CATSPERE: variants seen among roughly 807,000 people sequenced by gnomAD.
CATSPERE encodes cation channel sperm-associated auxiliary subunit epsilon.
CATSPERE carries 93 observed loss-of-function variants against 114.1 expected under a neutral mutation model. The ratio of observed to expected loss-of-function variants is 0.81; its 90% CI spans 0.69 to 0.97. The LOEUF is 0.97. CATSPERE is among the 50% of genes least tolerant of loss of function. The pLI is 0.00. For synonymous variants in CATSPERE, 341 were observed against 384.1 expected (o/e 0.89, Z 1.31); for missense variants, 1,058 against 1,131.6 (o/e 0.93, Z 0.93).
intron 17 of CATSPERE, among the ~76,000 whole-genome samples, chr1:244,595,631 T>C (rs1668288648): frequency 6.6e-6 from 1 of 152,112 alleles, no homozygotes; most frequent in African/African-American, 2.4e-5. Context: ...TGGAGTGGCA[T>C]GATCAAATAT....
At chr1:244,581,659 T>G (rs1485471747) in intron 11 of CATSPERE, 137 bp from the exon 12 acceptor site, 1 of 520,500 alleles carries the variant, frequency 1.9e-6, no homozygotes, top group African/African-American at 2.0e-5. Flanking sequence ...GTTGATTACT[T>G]ACACGTGATG....
At chr1:244,514,270 A>G (rs914042580) in intron 7 of CATSPERE, among the ~76,000 whole-genome samples, 4 of 152,210 alleles carry the variant, frequency 2.6e-5, no homozygotes, top group Non-Finnish European at 5.9e-5. Context: ...ACTTGGATGG[A>G]TGCTGAGTTA....
intron 20 of CATSPERE, among the ~76,000 whole-genome samples, chr1:244,632,393 C>CAAAAAAAAAAAAAAAAAAGAAAA (rs35948602): frequency 9.1e-6 from 1 of 109,384 alleles, no homozygotes; most frequent in Non-Finnish European, 1.7e-5. Context: ...GACTCCAACT[C>CAAAAAAAAAAAAAAAAAAGAAAA]AAAAAAAAAA....
At chr1:244,482,518 C>T (rs1255324911) in intron 5 of CATSPERE, among the ~76,000 whole-genome samples, 1 of 152,212 alleles carries the variant, frequency 6.6e-6, no homozygotes, top group East Asian at 1.9e-4. Flanking sequence ...AGGAGGTTCG[C>T]TTGAGCCCAG....
chr1:244,536,327 T>A (rs1680377093), intron 8 of CATSPERE, among the ~76,000 whole-genome samples: 1 of 152,098 alleles, frequency 6.6e-6, no homozygotes, highest in Non-Finnish European at 1.5e-5. Context: ...CAGCACTAGA[T>A]CTTGCCTAGG....
chr1:244,514,365 G>A (rs1676239486), intron 7 of CATSPERE, among the ~76,000 whole-genome samples: 1 of 152,158 alleles, frequency 6.6e-6, no homozygotes, highest in Non-Finnish European at 1.5e-5. Context: ...ATACAAAACA[G>A]TTAAGTGGTT....
chr1:244,617,655 T>C lies in CATSPERE; in HGVS notation c.2617T>C (p.Phe873Leu). ...CATGGGCCATTCTGGAATGTATGTA[T>C]TTCGTGTGAAGATCCTGGATCCAAA... ...WPMGHSGMYV[F>L]RVKILDPNYS... Residue 873 changes from phenylalanine (F) to leucine (L), a missense_variant, in exon 20 of 22, where the codon TTT becomes CTT. By Grantham distance (22) the Phe-to-Leu change is conservative. Coordinates refer to ENST00000366534, the MANE Select transcript of CATSPERE (RefSeq NM_001130957.2). The C allele has an allele frequency of 1.9e-6, 3 of 1,542,896 alleles. No individual in the cohort carries two copies. Among genetic ancestry groups the C allele is most frequent in the Non-Finnish European group, 8.7e-7 (1 of 1,144,978 alleles).
upstream of CATSPERE, among the ~76,000 whole-genome samples, chr1:244,461,199 T>C (rs1666684784): frequency 6.6e-6 from 1 of 152,206 alleles, no homozygotes; most frequent in South Asian, 2.1e-4. Context: ...TCCTAAAATC[T>C]CGTGTGCAGG....
At position 244,607,492 on chromosome 1, in the gene CATSPERE, T is replaced by C. The variant is rs533512541; in HGVS notation, c.2403+1698T>C. ...TCCTATGAGGGTATTGCTGGGAAAG[T>C]TTCTAAACAGGGACTACGTTTCCCA... On this transcript the variant is annotated intron_variant, in intron 18 of 21. Transcript: ENST00000366534. The surrounding 1 kb of genome is among the most constrained non-coding windows in gnomAD (Gnocchi z 4.4). 1.3e-5 allele frequency among the ~76,000 whole-genome samples: 2 copies of C among 152,284 alleles called. No homozygotes were observed. Among genetic ancestry groups the C allele is most frequent in the South Asian group, 4.1e-4 (2 of 4,822 alleles).
intron 20 of CATSPERE, among the ~76,000 whole-genome samples, chr1:244,630,821 C>G (rs1457111193): frequency 6.6e-6 from 1 of 152,008 alleles, no homozygotes; most frequent in Non-Finnish European, 1.5e-5. Flanking sequence ...TCCCCTTTCT[C>G]TAAGTCTTTA....
At chr1:244,580,558 C>G (rs1666014448) in intron 11 of CATSPERE, among the ~76,000 whole-genome samples, 1 of 152,014 alleles carries the variant, frequency 6.6e-6, no homozygotes, top group Non-Finnish European at 1.5e-5. Context: ...CATAATTTAG[C>G]AAATTATTGT....
chr1:244,463,805 G>T (rs190645893), intron 1 of CATSPERE, 103 bp from the exon 2 acceptor site: 20 of 1,003,946 alleles, frequency 2.0e-5, no homozygotes, highest in Non-Finnish European at 2.5e-5. Flanking sequence ...AGGCAGAAAG[G>T]TGACACTCCT....
Position 244,527,213 on chromosome 1 carries a change from G to A in CATSPERE, c.536+8515G>A, listed in dbSNP as rs546871955. 5.3e-5 allele frequency among the ~76,000 whole-genome samples: 8 copies of A among 152,246 alleles called. No individual in the cohort carries two copies. The East Asian group carries it at 7.7e-4, about 15-fold the overall frequency. ...TCCTCGTCCTAATAAGCCTGGGAGCGCTACAGGAGACTGGGGCTTATTTCA... is the reference window on the plus strand; with the variant it reads ...TCCTCGTCCTAATAAGCCTGGGAGCACTACAGGAGACTGGGGCTTATTTCA... On this transcript the variant is annotated intron_variant, in intron 8 of 21. Transcript: ENST00000366534.
rs971117545 is a variant in CATSPERE at position 244,489,242 on chromosome 1, G to A, written c.327-1205G>A. 4.6e-4 allele frequency among the ~76,000 whole-genome samples: 70 copies of A among 152,266 alleles called. 1 individual carries two copies. Among genetic ancestry groups the A allele is most frequent in the African/African-American group, 1.4e-3 (60 of 41,564 alleles). Reference sequence around the variant, plus strand: ...GGCTCCCAAAGTGCTGGGATTACAGGTGTGAGCCACCAGGCCCGGCCTGTT... The same window carrying A: ...GGCTCCCAAAGTGCTGGGATTACAGATGTGAGCCACCAGGCCCGGCCTGTT... On this transcript the variant is annotated intron_variant, in intron 5 of 21. Coordinates refer to ENST00000366534, the MANE Select transcript of CATSPERE (RefSeq NM_001130957.2).
At chr1:244,530,400 A>G (rs960027604) in intron 8 of CATSPERE, among the ~76,000 whole-genome samples, 1 of 152,174 alleles carries the variant, frequency 6.6e-6, no homozygotes, top group Admixed American at 6.5e-5. Flanking sequence ...TGCCAGTACC[A>G]TGCTGTTTTG....
chr1:244,544,884 T>A (rs1030407972), intron 8 of CATSPERE, among the ~76,000 whole-genome samples: 2 of 152,248 alleles, frequency 1.3e-5, no homozygotes, highest in African/African-American at 4.8e-5. Context: ...AAATGCTTTT[T>A]TTTCCATCCC....
At chr1:244,509,523 T>C (rs1675359470) in intron 7 of CATSPERE, among the ~76,000 whole-genome samples, 2 of 152,188 alleles carry the variant, frequency 1.3e-5, no homozygotes, top group Non-Finnish European at 2.9e-5. Flanking sequence ...TCAGGGATAT[T>C]GGCCTGTAGT....
exon 1 of CATSPERE, chr1:244,454,457 CTA>C (rs1214885431): frequency 6.6e-6 from 1 of 152,042 alleles, no homozygotes; most frequent in Admixed American, 6.6e-5. Context: ...AGAATCTCGT[CTA>C]TGTTTCCATA....
Position 244,472,461 on chromosome 1 carries a change from T to A in CATSPERE, c.115-5080T>A, listed in dbSNP as rs183479884. On this transcript the variant is annotated intron_variant, in intron 2 of 21. Transcript: ENST00000366534. ...ACCTTTGCCCATGGCTTTTAAAAAA[T>A]TTTTTAAGAGTTAACAGACTTTATT... Among the ~76,000 whole-genome samples the A allele has an allele frequency of 6.6e-4, 100 of 152,296 alleles. No homozygotes were observed. In the East Asian group the frequency reaches 6.6e-3, roughly 10 times the overall value.
Sources: allele counts gnomAD v4.1 joint callset (sites outside exome capture counted in the v4.1 genomes callset), GRCh38; gene constraint gnomAD v4.1.1; non-coding constraint Gnocchi (gnomAD v3.1); transcripts MANE v1.5; gene names NCBI Gene and HGNC (gene_info 2026-07-23, HGNC 2026-07-21).